The following ATRX variants were observed in gnomAD, a reference collection of about 807,000 sequenced individuals.
ATRX encodes the protein ATRX chromatin remodeler, also known as chromatin remodeler ATRX.
In ATRX, 12 loss-of-function variants were observed where a neutral mutation model predicts 172.6. That is an observed-to-expected ratio of 0.07 (90% CI 0.04 to 0.11). The LOEUF is 0.11. Ranked by LOEUF, ATRX falls within the 10% of genes least tolerant of loss-of-function variation. The probability of loss-of-function intolerance (pLI) is 1.00; values close to 1 mark genes in which losing one functional copy is unlikely to be tolerated. For synonymous variants in ATRX, 674 were observed against 594.7 expected, an observed-to-expected ratio of 1.13 and a Z score of -1.94; for missense variants, 1,368 against 1,767.4, an observed-to-expected ratio of 0.77 and a Z score of 4.05.
intron 15 of ATRX, among the ~76,000 whole-genome samples, chrX:77,644,985 AG>A (rs2068838865): frequency 9.0e-6 from 1 of 111,681 alleles, no homozygotes; most frequent in Non-Finnish European, 1.9e-5. Context: ...AAAGACAAAG[AG>A]AATATTGAAA....
chrX:77,593,277 T>TA (rs2066347594), intron 26 of ATRX, among the ~76,000 whole-genome samples: 2 of 96,784 alleles, frequency 2.1e-5, no homozygotes, highest in Admixed American at 1.1e-4. Context: ...ATCAAGCAGG[T>TA]AAAATAAAAT....
chrX:77,594,194 C>A lies in ATRX; in HGVS notation c.5957-345G>T, dbSNP rs781877735. 21 of 148,534 alleles carry A rather than the reference C, an allele frequency of 1.4e-4. 1 individual carries two copies. The South Asian group carries it at 4.4e-3, about 31-fold the overall frequency. 12.2% of individuals were successfully genotyped at this position (148,534 alleles called of 1,213,427 possible). A position where few individuals can be genotyped will look rare whatever the true frequency, so the allele number is the denominator to read the frequency against. ...GAGACCCAAAGAGAAGAGAAACCATCCCCTTCCCACCAGGCCCTAAGAGAG... is the reference window on the plus strand; with the variant it reads ...GAGACCCAAAGAGAAGAGAAACCATACCCTTCCCACCAGGCCCTAAGAGAG... On this transcript the variant is annotated intron_variant, in intron 25 of 34. Transcript: ENST00000373344.
chrX:77,607,609 G>A (rs782273008), intron 22 of ATRX, among the ~76,000 whole-genome samples: 1 of 107,003 alleles, frequency 9.3e-6, no homozygotes, highest in African/African-American at 3.4e-5. Flanking sequence ...AGCTATTTGG[G>A]AGGCTGAGGC....
chrX:77,508,274 C>A lies in ATRX; in HGVS notation c.*77G>T. The A allele has an allele frequency of 8.9e-7, 1 of 1,124,745 alleles. No homozygotes were observed. 92.7% of individuals were successfully genotyped at this position (1,124,745 alleles called of 1,213,427 possible). The stretch of plus-strand genomic sequence containing the variant: ...ACCAAACTATTTATACAGTTGAGTT[C>A]TGTTAAGTCATTGATTCCTAAAAAA... On this transcript the variant is annotated 3_prime_UTR_variant, in exon 35 of 35. Coordinates refer to ENST00000373344, the MANE Select transcript of ATRX (RefSeq NM_000489.6).
chrX:77,519,246 A>T (rs996601024), intron 34 of ATRX, among the ~76,000 whole-genome samples: 6 of 111,884 alleles, frequency 5.4e-5, no homozygotes, highest in African/African-American at 1.9e-4. Flanking sequence ...TTTGCAAGCT[A>T]TCCAACTGAC....
chrX:77,560,177 T>A (rs181281553), intron 28 of ATRX, among the ~76,000 whole-genome samples: 1 of 111,425 alleles, frequency 9.0e-6, no homozygotes, highest in Admixed American at 9.6e-5. Flanking sequence ...ACTATCTGTT[T>A]TTTAAAAATA....
In ATRX at chrX:77,589,869, T is replaced by G. The variant is rs781991005; in HGVS notation, c.6182A>C (p.Lys2061Thr). The G allele has an allele frequency of 5.8e-6, 7 of 1,208,798 alleles. No homozygotes were observed. The highest frequency in any genetic ancestry group is 7.8e-6 in the Non-Finnish European group (7 of 893,233). ...AAGGGGTTTATCTTTATCTTCTGTC[T>G]TCTCCCTACTAGCTAATTCAAGAAA... ...EDFLELASREKTEDKDKPLIY... is the reference protein window; with the variant it reads ...EDFLELASRETTEDKDKPLIY... Residue 2061 changes from lysine to threonine, a missense_variant, in exon 27 of 35, where the codon AAG becomes ACG. Lys to Thr is a moderately conservative substitution (Grantham distance 78). Coordinates refer to ENST00000373344, the MANE Select transcript of ATRX (RefSeq NM_000489.6).
intron 22 of ATRX, among the ~76,000 whole-genome samples, chrX:77,603,828 C>A (rs1453724516): frequency 9.0e-6 from 1 of 111,562 alleles, no homozygotes; most frequent in Non-Finnish European, 1.9e-5. Context: ...AATAGAGACA[C>A]ATACTGACAG....
At chrX:77,662,719 G>C (rs1557123477) in intron 12 of ATRX, among the ~76,000 whole-genome samples, 1 of 110,511 alleles carries the variant, frequency 9.0e-6, no homozygotes, top group African/African-American at 3.3e-5. Context: ...TGGAGAAAGA[G>C]TCTCGCTCTG....
At position 77,683,459 on chromosome X, in the gene ATRX, T is replaced by G; in HGVS notation, c.1797A>C (p.Pro599=). 8.3e-7 allele frequency: 1 copy of G among 1,210,371 alleles called. No individual in the cohort carries two copies. Among genetic ancestry groups the G allele is most frequent in the Non-Finnish European group, 1.1e-6 (1 of 894,169 alleles). ...CTTCCTGACAATCAGCACCTTTAATTGGGGAATTAGAAAGGGAAACAGGAG... is the reference window on the plus strand; with the variant it reads ...CTTCCTGACAATCAGCACCTTTAATGGGGGAATTAGAAAGGGAAACAGGAG... The part of the protein sequence containing the change: ...KLTPVSLSNS[P]IKGADCQEVP... Residue 599 remains proline, a synonymous_variant, in exon 9 of 35, where the codon CCA becomes CCC. Transcript: ENST00000373344.
chrX:77,763,604 A>G (rs918448207), intron 1 of ATRX, among the ~76,000 whole-genome samples: 7 of 105,375 alleles, frequency 6.6e-5, no homozygotes, highest in Admixed American at 5.1e-4. Context: ...CCGAGTAGCT[A>G]GGATTACAGG....
chrX:77,618,252 C>T (rs1278128441), intron 21 of ATRX, among the ~76,000 whole-genome samples: 4 of 111,507 alleles, frequency 3.6e-5, no homozygotes, highest in African/African-American at 6.5e-5. Flanking sequence ...CTATTAACTG[C>T]CAGCTCAGTC....
At chrX:77,723,682 A>C (rs2073888605) in intron 1 of ATRX, among the ~76,000 whole-genome samples, 1 of 111,527 alleles carries the variant, frequency 9.0e-6, no homozygotes, top group Non-Finnish European at 1.9e-5. Context: ...ACCTGAGGAA[A>C]TGATGCTACA....
intron 1 of ATRX, among the ~76,000 whole-genome samples, chrX:77,739,320 A>G (rs1015946946): frequency 1.8e-4 from 20 of 110,176 alleles, no homozygotes; most frequent in African/African-American, 6.6e-4. Flanking sequence ...CCATTAATTC[A>G]TTCATTCTTA....
intron 12 of ATRX, among the ~76,000 whole-genome samples, chrX:77,658,116 C>G (rs373435318): frequency 5.4e-5 from 6 of 110,826 alleles, no homozygotes; most frequent in African/African-American, 2.0e-4. Context: ...GAGGCTGAGA[C>G]GAGAGGATCA....
At position 77,755,357 on chromosome X, in the gene ATRX, G is replaced by A. The variant is rs544543819; in HGVS notation, c.20+30625C>T. 8.9e-5 allele frequency among the ~76,000 whole-genome samples: 10 copies of A among 111,908 alleles called. No individual in the cohort carries two copies. The South Asian group carries it at 1.5e-3, about 17-fold the overall frequency. ...TGTCAATTCGTCAAACTCATTCTCC[G>A]TCCAGTTTTGCGGCCTTGCTAGAGA... On this transcript the variant is annotated intron_variant, in intron 1 of 34. Coordinates refer to ENST00000373344, the MANE Select transcript of ATRX (RefSeq NM_000489.6).
At position 77,601,784 on chromosome X, in the gene ATRX, T is replaced by C. The variant is rs1283373251; in HGVS notation, c.5567-1220A>G. 2.7e-5 allele frequency among the ~76,000 whole-genome samples: 3 copies of C among 112,059 alleles called. No individual in the cohort carries two copies. In the East Asian group the frequency reaches 8.4e-4, roughly 31 times the overall value. ...CCTCCACGAGTGAGAGAAAATTTAGTAGTGATATGAAACATTAATAATGCA... is the reference window on the plus strand; with the variant it reads ...CCTCCACGAGTGAGAGAAAATTTAGCAGTGATATGAAACATTAATAATGCA... On this transcript the variant is annotated intron_variant, in intron 22 of 34. Transcript: ENST00000373344.
chrX:77,588,204 C>T (rs1282822496), intron 27 of ATRX, among the ~76,000 whole-genome samples: 1 of 111,769 alleles, frequency 8.9e-6, no homozygotes, highest in Non-Finnish European at 1.9e-5. Flanking sequence ...ACAAACAGTC[C>T]TGGGACAAAT....
At chrX:77,511,842 G>C (rs1211011168) in intron 34 of ATRX, among the ~76,000 whole-genome samples, 3 of 111,351 alleles carry the variant, frequency 2.7e-5, no homozygotes, top group Non-Finnish European at 5.7e-5. Context: ...GCCTCAAATG[G>C]GCAAATCTAA....
Sources: gnomAD v4.1 joint callset for allele counts (sites outside exome capture counted in the v4.1 genomes callset) on GRCh38, gnomAD v4.1.1 for gene constraint, MANE v1.5 for transcripts, NCBI Gene and HGNC (gene_info 2026-07-23, HGNC 2026-07-21) for gene names.